Variants in PCDHGC3 observed in about 807,000 individuals in gnomAD.
The protein encoded by PCDHGC3 is protocadherin gamma-C3.
PCDHGC3 carries 26 observed loss-of-function variants against 59.2 expected under a neutral mutation model. That is an observed-to-expected ratio of 0.44 (90% CI 0.32 to 0.61). PCDHGC3 has a LOEUF of 0.61. PCDHGC3 is among the 20% of genes least tolerant of loss of function. The pLI is 0.05. For synonymous variants in PCDHGC3, 487 were observed against 519.7 expected, an observed-to-expected ratio of 0.94 and a Z score of 0.86; for missense variants, 1,080 against 1,221.8, an observed-to-expected ratio of 0.88 and a Z score of 1.73.
intron 3 of PCDHGC3, among the ~76,000 whole-genome samples, chr5:141,506,444 CA>C (rs1219684339): frequency 0.54 from 51,660 of 95,006 alleles, 10,715 homozygotes; most frequent in African/African-American, 0.61. Context: ...CGCTCTGTCT[CA>C]AAAAAAAAAA....
chr5:141,496,513 G>A (rs1364297990), intron 2 of PCDHGC3, among the ~76,000 whole-genome samples: 1 of 152,140 alleles, frequency 6.6e-6, no homozygotes, highest in Non-Finnish European at 1.5e-5. Context: ...CAAGGACCCA[G>A]GAGCCCTTGG....
Position 141,487,321 on chromosome 5 carries a change from T to C in PCDHGC3, c.2431-7486T>C. 1.2e-6 allele frequency: 2 copies of C among 1,614,198 alleles called. No individual in the cohort carries two copies. The highest frequency in any genetic ancestry group is 1.7e-6 in the Non-Finnish European group (2 of 1,180,040). Reference sequence around the variant, plus strand: ...TCGTGGCACTACTCTCTAAGTGTCTTCGTGGGGCAGCCTGTGGAGTCACAT... The same window carrying C: ...TCGTGGCACTACTCTCTAAGTGTCTCCGTGGGGCAGCCTGTGGAGTCACAT... On this transcript the variant is annotated intron_variant, in intron 1 of 3. Transcript: ENST00000308177. The surrounding 1 kb of genome is among the most constrained non-coding windows in gnomAD (Gnocchi z 5.0).
chr5:141,511,793 G>A lies in PCDHGC3; in HGVS notation c.*620G>A, dbSNP rs2099883948. The stretch of plus-strand genomic sequence containing the variant: ...TACTGATGCTTGCTGGATTTAGGGA[G>A]GGCATTTTGCTACCAAGCCTCTTCC... On this transcript the variant is annotated 3_prime_UTR_variant, in exon 4 of 4. Coordinates refer to ENST00000308177, the MANE Select transcript of PCDHGC3 (RefSeq NM_002588.4). 6.4e-6 allele frequency: 1 copy of A among 157,066 alleles called. No homozygotes were observed. The highest frequency in any genetic ancestry group is 2.4e-5 in the African/African-American group (1 of 41,492). 9.7% of individuals were successfully genotyped at this position (157,066 alleles called of 1,614,324 possible). A position where few individuals can be genotyped will look rare whatever the true frequency, so the allele number is the denominator to read the frequency against.
At position 141,511,124 on chromosome 5, in the gene PCDHGC3, C is replaced by A. The variant is rs752246201; in HGVS notation, c.2756C>A (p.Ala919Glu). The A allele has an allele frequency of 6.2e-7, 1 of 1,614,206 alleles. No homozygotes were observed. The highest frequency in any genetic ancestry group is 8.5e-7 in the Non-Finnish European group (1 of 1,180,022). ...AAGKRDGKAP[A>E]GGNGNKKKSG... The stretch of plus-strand genomic sequence containing the variant: ...GGCAAGCGGGATGGCAAGGCCCCAG[C>A]AGGTGGCAATGGCAACAAGAAGAAG... Residue 919 changes from alanine (A) to glutamate (E), a missense_variant, in exon 4 of 4, where the codon GCA becomes GAA. Coordinates refer to ENST00000308177, the MANE Select transcript of PCDHGC3 (RefSeq NM_002588.4).
rs1036223789 is a variant in PCDHGC3, at chr5:141,511,298, G to A, written c.*125G>A. On this transcript the variant is annotated 3_prime_UTR_variant, in exon 4 of 4. Transcript: ENST00000308177. ...GAATACTGGTAGGGGCCAAGGCCAT[G>A]CTCCCCTTGGGAAACAGAAACAAGT... The A allele has an allele frequency of 4.7e-6, 7 of 1,502,412 alleles. No individual in the cohort carries two copies. In the African/African-American group the frequency reaches 8.4e-5, roughly 18 times the overall value. The allele number at this position is 1,502,412 out of a possible 1,614,324, so 93.1% of individuals were successfully genotyped here. A position where few individuals can be genotyped will look rare whatever the true frequency, so the allele number is the denominator to read the frequency against.
Position 141,489,084 on chromosome 5 carries a change from C to CCG in PCDHGC3, c.2431-5723_2431-5722insCG. On this transcript the variant is annotated intron_variant, in intron 1 of 3. Coordinates refer to ENST00000308177, the MANE Select transcript of PCDHGC3 (RefSeq NM_002588.4). The surrounding 1 kb of genome is among the most constrained non-coding windows in gnomAD (Gnocchi z 4.5). ...CTCCCCCCTGCCCACCCCCGCCACT[C>CCG]GGTGACTAAGAACTGCTGCAAGCAG... 9.1e-6 allele frequency: 3 copies of CCG among 329,130 alleles called. No individual in the cohort carries two copies. The highest frequency in any genetic ancestry group is 5.4e-6 in the Non-Finnish European group (1 of 186,464). The allele number at this position is 329,130 out of a possible 1,614,324, so 20.4% of individuals were successfully genotyped here. A position where few individuals can be genotyped will look rare whatever the true frequency, so the allele number is the denominator to read the frequency against.
rs768021356 is a variant in PCDHGC3 at position 141,478,465 on chromosome 5, C to T, written c.2349C>T (p.Ala783=). Residue 783 remains alanine, a synonymous_variant, in exon 1 of 4, where the codon GCC becomes GCT. Transcript: ENST00000308177. ...AACCTGGTGCAGCCAGTCCACTGGC[C>T]AGCCGCCAGAACACGCTGCGGAGCT... ...LKKPGAASPL[A]SRQNTLRSCD... 3.7e-6 allele frequency: 6 copies of T among 1,613,730 alleles called. No homozygotes were observed. The highest frequency in any genetic ancestry group is 5.1e-6 in the Non-Finnish European group (6 of 1,179,932).
At chr5:141,483,100 G>A (rs1051736065) in intron 1 of PCDHGC3, among the ~76,000 whole-genome samples, 11 of 152,078 alleles carry the variant, frequency 7.2e-5, no homozygotes, top group South Asian at 2.1e-4. Flanking sequence ...AAAAGTGTGC[G>A]TGTAAAACAG....
Position 141,490,866 on chromosome 5 carries a change from C to T in PCDHGC3, c.2431-3941C>T, listed in dbSNP as rs1408465290. The T allele has an allele frequency of 6.2e-7, 1 of 1,613,906 alleles. No homozygotes were observed. The highest frequency in any genetic ancestry group is 1.7e-5 in the Admixed American group (1 of 60,012). ...TGGGGGTTCGAGACTCCGGCTCTCC[C>T]CCATTGCATGCCAACACATCTCTGC... On this transcript the variant is annotated intron_variant, in intron 1 of 3. Coordinates refer to ENST00000308177, the MANE Select transcript of PCDHGC3 (RefSeq NM_002588.4). The surrounding 1 kb of genome is among the most constrained non-coding windows in gnomAD (Gnocchi z 5.4).
chr5:141,498,865 G>A (rs2099786522), intron 2 of PCDHGC3, among the ~76,000 whole-genome samples: 1 of 151,116 alleles, frequency 6.6e-6, no homozygotes, highest in Non-Finnish European at 1.5e-5. Flanking sequence ...CCCAGGAGGC[G>A]GAGGTTGCAG....
intron 3 of PCDHGC3, among the ~76,000 whole-genome samples, chr5:141,506,943 T>A (rs2099857373): frequency 6.6e-6 from 1 of 152,192 alleles, no homozygotes; most frequent in South Asian, 2.1e-4. Context: ...GGGCCTCCTG[T>A]CAATGAATCC....
intron 1 of PCDHGC3, among the ~76,000 whole-genome samples, chr5:141,481,593 G>A (rs575017133): frequency 1.3e-5 from 2 of 152,172 alleles, no homozygotes; most frequent in African/African-American, 2.4e-5. Context: ...TGAGGCCAGC[G>A]GATCACCTGA....
At position 141,476,456 on chromosome 5, in the gene PCDHGC3, A is replaced by C; in HGVS notation, c.340A>C (p.Asn114His). The C allele has an allele frequency of 6.2e-7, 1 of 1,614,058 alleles. No homozygotes were observed. Among genetic ancestry groups the C allele is most frequent in the Non-Finnish European group, 8.5e-7 (1 of 1,180,010 alleles). The change falls in exon 1 of 4, where the codon AAC becomes CAC. Residue 114 changes from asparagine to histidine, a missense_variant. Transcript: ENST00000308177. The surrounding 1 kb of genome is among the most constrained non-coding windows in gnomAD (Gnocchi z 7.6). ...TGTAACTCTGGAGTTGGTAGTGGAGAACCCGCTGGAGCTGTTCAGCGTGGA... is the reference window on the plus strand; with the variant it reads ...TGTAACTCTGGAGTTGGTAGTGGAGCACCCGCTGGAGCTGTTCAGCGTGGA... ...CTVTLELVVENPLELFSVEVV... is the reference protein window; with the variant it reads ...CTVTLELVVEHPLELFSVEVV...
chr5:141,487,069 T>C lies in PCDHGC3; in HGVS notation c.2431-7738T>C, dbSNP rs750739955. 26 of 1,614,160 alleles carry C rather than the reference T, an allele frequency of 1.6e-5. No homozygotes were observed. Among genetic ancestry groups the C allele is most frequent in the Non-Finnish European group, 2.0e-5 (24 of 1,180,002 alleles). On this transcript the variant is annotated intron_variant, in intron 1 of 3. Transcript: ENST00000308177. This position sits in a 1 kb window ranked among gnomAD's most constrained non-coding sequence, Gnocchi z 5.0. The stretch of plus-strand genomic sequence containing the variant: ...ATGCTGGGGAGGTGCGGACGGCTGT[T>C]CCTATCCCAGCTGACCTCCCACCAC...
Position 141,485,818 on chromosome 5 carries a change from C to A in PCDHGC3, c.2430+7272C>A, listed in dbSNP as rs757848513. The A allele has an allele frequency of 1.2e-6, 2 of 1,613,910 alleles. No individual in the cohort carries two copies. The highest frequency in any genetic ancestry group is 1.7e-6 in the Non-Finnish European group (2 of 1,179,974). On this transcript the variant is annotated intron_variant, in intron 1 of 3. Transcript: ENST00000308177. The surrounding 1 kb of genome is among the most constrained non-coding windows in gnomAD (Gnocchi z 5.7). ...ACTACCGCCTGGTGCTGACTGCTGT[C>A]GATGGAGGGAACCCGCCGAGATCTG...
chr5:141,498,656 G>A (rs2154592341), intron 2 of PCDHGC3, among the ~76,000 whole-genome samples: 1 of 152,336 alleles, frequency 6.6e-6, no homozygotes, highest in Non-Finnish European at 1.5e-5. Context: ...ACCTGGCCAG[G>A]TGTGGTGGCT....
Position 141,485,660 on chromosome 5 carries a change from G to A in PCDHGC3, c.2430+7114G>A. On this transcript the variant is annotated intron_variant, in intron 1 of 3. Transcript: ENST00000308177. The surrounding 1 kb of genome is among the most constrained non-coding windows in gnomAD (Gnocchi z 5.7). ...GGAAAAGGCTCAGGATGCAGATGTG[G>A]GGAGCAATTCGATTAGCAGCTATAG... is the stretch of plus-strand genomic sequence containing the variant. 1 of 1,612,716 alleles carries A rather than the reference G, an allele frequency of 6.2e-7. No individual in the cohort carries two copies. Among genetic ancestry groups the A allele is most frequent in the Non-Finnish European group, 8.5e-7 (1 of 1,178,898 alleles).
At position 141,491,518 on chromosome 5, in the gene PCDHGC3, A is replaced by G. The variant is rs756813813; in HGVS notation, c.2431-3289A>G. 3 of 1,613,990 alleles carry G rather than the reference A, an allele frequency of 1.9e-6. No individual in the cohort carries two copies. The highest frequency in any genetic ancestry group is 3.3e-5 in the Admixed American group (2 of 60,028). ...GAGCTCGGACGGCACGCTCAAGTAC[A>G]TGGAGGTGACGCTGCGGCCCACAGA... On this transcript the variant is annotated intron_variant, in intron 1 of 3. Transcript: ENST00000308177. This position sits in a 1 kb window ranked among gnomAD's most constrained non-coding sequence, Gnocchi z 6.9.
chr5:141,491,648 T>C lies in PCDHGC3; in HGVS notation c.2431-3159T>C. ...GTTCAGCAGCCCACAGCTCTGGCGC[T>C]GGAGCCTGACGCCATCCGGTCCCGC... On this transcript the variant is annotated intron_variant, in intron 1 of 3. Transcript: ENST00000308177. The surrounding 1 kb of genome is among the most constrained non-coding windows in gnomAD (Gnocchi z 6.9). 2 of 1,613,834 alleles carry C rather than the reference T, an allele frequency of 1.2e-6. No individual in the cohort carries two copies. Among genetic ancestry groups the C allele is most frequent in the South Asian group, 1.1e-5 (1 of 91,082 alleles).
Sources: allele counts gnomAD v4.1 joint callset (sites outside exome capture counted in the v4.1 genomes callset), GRCh38; gene constraint gnomAD v4.1.1; non-coding constraint Gnocchi (gnomAD v3.1); transcripts MANE v1.5; gene names NCBI Gene and HGNC (gene_info 2026-07-23, HGNC 2026-07-21).